STARD13: variants seen among roughly 807,000 people sequenced by gnomAD.
STARD13 encodes stAR-related lipid transfer protein 13.
STARD13 carries 62 observed loss-of-function variants against 106.4 expected under a neutral mutation model. The observed-to-expected ratio is 0.58, with a 90% CI of 0.48 to 0.72. The LOEUF is 0.72. Ranked by LOEUF, STARD13 falls within the 30% of genes least tolerant of loss-of-function variation. The pLI is 0.00. For missense variants in STARD13, 1,387 were observed against 1,424.0 expected (o/e 0.97, Z 0.42); for synonymous variants, 565 against 553.0 (o/e 1.02, Z -0.31).
chr13:33,142,189 A>G, intron 4 of STARD13, 121 bp downstream of exon 4: 1 of 778,446 alleles, frequency 1.3e-6, no homozygotes, highest in Non-Finnish European at 2.1e-6. Flanking sequence ...CACTGTGCCC[A>G]GCTAATTTAT....
At position 33,247,733 on chromosome 13, in the gene STARD13, C is replaced by T. The variant is rs188471392; in HGVS notation, c.169+37737G>A. ...GGCCCTCACTTGTAAGTGCTGGAACCGTGATTCACTCACTCTACTGCTATC... is the reference window on the plus strand; with the variant it reads ...GGCCCTCACTTGTAAGTGCTGGAACTGTGATTCACTCACTCTACTGCTATC... On this transcript the variant is annotated intron_variant, in intron 1 of 13. Transcript: ENST00000336934. Among the ~76,000 whole-genome samples the T allele has an allele frequency of 9.2e-5, 14 of 152,210 alleles. No individual in the cohort carries two copies. The East Asian group carries it at 2.3e-3, about 25-fold the overall frequency.
the STARD13 span, among the ~76,000 whole-genome samples, chr13:33,455,076 G>C: frequency 6.6e-6 from 1 of 152,112 alleles, no homozygotes; most frequent in Non-Finnish European, 1.5e-5. Context: ...TTAAAGCCCA[G>C]GAACATAATG....
chr13:33,152,870 C>T (rs1216994833), intron 3 of STARD13, among the ~76,000 whole-genome samples: 2 of 151,936 alleles, frequency 1.3e-5, no homozygotes, highest in East Asian at 1.9e-4. Context: ...CCGAAGAGCC[C>T]GTGGCCTATA....
the STARD13 span, among the ~76,000 whole-genome samples, chr13:33,460,595 G>A: frequency 5.9e-5 from 9 of 151,506 alleles, no homozygotes; most frequent in Admixed American, 5.3e-4. Flanking sequence ...TATTGACAAT[G>A]TTTCCCGCTT....
At chr13:33,161,197 T>C (rs1186348184) in intron 3 of STARD13, among the ~76,000 whole-genome samples, 5 of 152,244 alleles carry the variant, frequency 3.3e-5, no homozygotes, top group Admixed American at 3.3e-4. Context: ...ATTTGTATGA[T>C]ATTTTAGCAA....
the STARD13 span, among the ~76,000 whole-genome samples, chr13:33,431,015 C>A: frequency 6.6e-5 from 10 of 152,058 alleles, no homozygotes; most frequent in African/African-American, 2.4e-4. Flanking sequence ...TAGTAGGTGG[C>A]TATAGTTTAC....
At chr13:33,336,038 G>A (rs553543415) in intron 1 of STARD13, among the ~76,000 whole-genome samples, 93 of 152,156 alleles carry the variant, frequency 6.1e-4, no homozygotes, top group Non-Finnish European at 7.4e-4. Context: ...TCCTGTATAC[G>A]AGCTACATGC....
intron 3 of STARD13, among the ~76,000 whole-genome samples, chr13:33,143,542 C>G (rs750299981): frequency 6.6e-6 from 1 of 151,988 alleles, no homozygotes; most frequent in African/African-American, 2.4e-5. Context: ...TGTTTCCAGT[C>G]GTTTCTTTTG....
At chr13:33,512,666 G>T in the STARD13 span, among the ~76,000 whole-genome samples, 1 of 151,888 alleles carries the variant, frequency 6.6e-6, no homozygotes, top group Non-Finnish European at 1.5e-5. Flanking sequence ...ATGGGGTTTC[G>T]CCATGTTGGG....
the STARD13 span, among the ~76,000 whole-genome samples, chr13:33,369,270 T>C: frequency 0.7 from 106,626 of 151,560 alleles, 39,527 homozygotes; most frequent in East Asian, 0.95. Flanking sequence ...GCCTCTGTTG[T>C]TTCGTTTTTC....
chr13:33,173,525 G>A (rs745753996), intron 1 of STARD13, among the ~76,000 whole-genome samples: 1 of 152,134 alleles, frequency 6.6e-6, no homozygotes, highest in Non-Finnish European at 1.5e-5. Context: ...ACATCCCATG[G>A]TATGGCATCA....
At chr13:33,613,533 C>T in the STARD13 span, among the ~76,000 whole-genome samples, 4 of 152,048 alleles carry the variant, frequency 2.6e-5, no homozygotes, top group African/African-American at 7.2e-5. Context: ...AGAGGAAGGG[C>T]GAATGGCAGC....
the STARD13 span, among the ~76,000 whole-genome samples, chr13:33,632,197 T>A: frequency 3.3e-5 from 5 of 152,188 alleles, no homozygotes; most frequent in African/African-American, 1.2e-4. Flanking sequence ...TAATTGAGGA[T>A]AGGCTAAGAC....
At chr13:33,674,626 C>T in the STARD13 span, among the ~76,000 whole-genome samples, 1 of 152,160 alleles carries the variant, frequency 6.6e-6, no homozygotes, top group South Asian at 2.1e-4. Flanking sequence ...GGTCTGAGTG[C>T]AGCCACGAGG....
At chr13:33,631,450 T>C in the STARD13 span, among the ~76,000 whole-genome samples, 2 of 152,366 alleles carry the variant, frequency 1.3e-5, no homozygotes, top group Admixed American at 1.3e-4. Flanking sequence ...CTTCATGTTC[T>C]TACATTGGTA....
intron 1 of STARD13, among the ~76,000 whole-genome samples, chr13:33,188,856 A>G (rs1052788293): frequency 6.6e-6 from 1 of 152,230 alleles, no homozygotes; most frequent in Non-Finnish European, 1.5e-5. Flanking sequence ...TGAAAATGAC[A>G]AACGAAAAGA....
chr13:33,330,542 T>A (rs1450817088), intron 1 of STARD13, among the ~76,000 whole-genome samples: 1 of 152,210 alleles, frequency 6.6e-6, no homozygotes, highest in Non-Finnish European at 1.5e-5. Context: ...AAATCTTGCA[T>A]AAAGCAGGTC....
At chr13:33,457,996 A>C in the STARD13 span, among the ~76,000 whole-genome samples, 1 of 152,226 alleles carries the variant, frequency 6.6e-6, no homozygotes, top group African/African-American at 2.4e-5. Flanking sequence ...GCCATGATAC[A>C]AGAACAGGTG....
At chr13:33,668,299 C>A in the STARD13 span, among the ~76,000 whole-genome samples, 2 of 152,070 alleles carry the variant, frequency 1.3e-5, no homozygotes, top group South Asian at 2.1e-4. Context: ...TAGGAAAAAT[C>A]GAACTGCTAA....
Sources: allele counts gnomAD v4.1 joint callset (sites outside exome capture counted in the v4.1 genomes callset), GRCh38; gene constraint gnomAD v4.1.1; transcripts MANE v1.5; gene names NCBI Gene and HGNC (gene_info 2026-07-23, HGNC 2026-07-21).